DHX8: variants seen among roughly 807,000 people sequenced by gnomAD.
DHX8 encodes the protein DEAH-box helicase 8, also known as ATP-dependent RNA helicase DHX8.
A neutral mutation model predicts 140.7 loss-of-function variants in DHX8; 67 were observed. The ratio of observed to expected loss-of-function variants is 0.48; its 90% CI spans 0.39 to 0.58. The LOEUF (loss-of-function observed/expected upper bound fraction) is 0.58. Among genes scored for constraint, DHX8 ranks in the 20% least tolerant of loss-of-function variants. The pLI is 0.00. For missense variants in DHX8, 887 were observed against 1,550.7 expected (o/e 0.57, Z 7.19); for synonymous variants, 533 against 553.2 (o/e 0.96, Z 0.51).
chr17:43,527,722 A>G (rs1415322047), downstream of DHX8: 2 of 198,612 alleles, frequency 1.0e-5, no homozygotes, highest in Non-Finnish European at 2.1e-5. Context: ...CTTTTTTCAA[A>G]TCTACATGAG....
downstream of DHX8, chr17:43,530,519 G>T (rs1263160055): frequency 1.7e-5 from 18 of 1,041,132 alleles, no homozygotes; most frequent in African/African-American, 3.2e-5. Context: ...AACGTCCGGG[G>T]AAAGAGTTCG....
At chr17:43,528,880 T>C (rs55989313), downstream of DHX8, 182,888 of 725,604 alleles carry the variant, frequency 0.25, 24,094 homozygotes, top group East Asian at 0.36. Context: ...TGCTGGTTCC[T>C]GAGAAGCTGA....
At chr17:43,486,550 T>G (rs1340088112) in intron 1 of DHX8, among the ~76,000 whole-genome samples, 1 of 152,182 alleles carries the variant, frequency 6.6e-6, no homozygotes, top group Non-Finnish European at 1.5e-5. Flanking sequence ...TTCAGTTAAT[T>G]TAACAATTCC....
chr17:43,491,850 G>A (rs1196142189), intron 4 of DHX8, among the ~76,000 whole-genome samples: 1 of 152,174 alleles, frequency 6.6e-6, no homozygotes, highest in East Asian at 1.9e-4. Flanking sequence ...GGGTAGGGAG[G>A]AAGAGTGCAG....
intron 2 of DHX8, chr17:43,533,758 C>T: frequency 6.9e-7 from 1 of 1,456,440 alleles, no homozygotes; most frequent in Non-Finnish European, 9.3e-7. Flanking sequence ...TTTCTGTTGT[C>T]TAACTTGCAT....
At chr17:43,530,508 G>C (rs1004529217), downstream of DHX8, 5 of 1,121,328 alleles carry the variant, frequency 4.5e-6, no homozygotes, top group Admixed American at 1.1e-4. Context: ...AGGGTGAGAT[G>C]AACGTCCGGG....
chr17:43,494,061 A>G (rs907578156), intron 8 of DHX8, among the ~76,000 whole-genome samples, 175 bp downstream of exon 8: 7 of 152,202 alleles, frequency 4.6e-5, no homozygotes, highest in Non-Finnish European at 8.8e-5. Flanking sequence ...AAAGAGGTTT[A>G]TTGGACTTAG....
exon 4 of DHX8, chr17:43,544,348 A>C (rs186869843): frequency 2.6e-5 from 4 of 152,878 alleles, no homozygotes. Context: ...AGAGGTATTC[A>C]AGCGGGATGG....
chr17:43,527,639 G>A (rs1264214460), downstream of DHX8, among the ~76,000 whole-genome samples: 1 of 152,216 alleles, frequency 6.6e-6, no homozygotes, highest in Admixed American at 6.5e-5. Context: ...TCCTCACACA[G>A]TAATGCTGGG....
intron 2 of DHX8, chr17:43,532,962 GGAAGA>G (rs1598200615): frequency 1.3e-6 from 2 of 1,539,652 alleles, no homozygotes; most frequent in Non-Finnish European, 1.7e-6. Context: ...GGATGGAGAA[GGAAGA>G]GAAGAGAACT....
At chr17:43,518,461 A>C (rs952090464) in intron 18 of DHX8, 3 of 152,230 alleles carry the variant, frequency 2.0e-5, no homozygotes, top group African/African-American at 7.2e-5. Flanking sequence ...CTCTGAAAGC[A>C]GGGGCCATAT....
At chr17:43,526,170 C>T (rs1451117829), downstream of DHX8, 3 of 985,216 alleles carry the variant, frequency 3.0e-6, no homozygotes, top group Non-Finnish European at 3.6e-6. Flanking sequence ...GGGGAGCTTG[C>T]CTGCTGCTCT....
At chr17:43,499,669 T>G (rs1165452220) in intron 10 of DHX8, among the ~76,000 whole-genome samples, 1 of 152,214 alleles carries the variant, frequency 6.6e-6, no homozygotes, top group Admixed American at 6.5e-5. Context: ...AGAAAAATTC[T>G]TATACCTTTC....
At chr17:43,511,680 A>C (rs1420375054) in intron 16 of DHX8, among the ~76,000 whole-genome samples, 1 of 148,100 alleles carries the variant, frequency 6.8e-6, no homozygotes, top group Non-Finnish European at 1.5e-5. Context: ...CTGGTCTCGA[A>C]CTCCTGATCT....
chr17:43,505,427 G>A (rs117908027), intron 12 of DHX8, among the ~76,000 whole-genome samples: 2,616 of 151,862 alleles, frequency 0.017, 78 homozygotes, highest in African/African-American at 0.059. Flanking sequence ...AAATTACCTG[G>A]GTGTGGTGGT....
At position 43,523,877 on chromosome 17, in the gene DHX8, C is replaced by G; in HGVS notation, c.*30C>G. The G allele has an allele frequency of 6.2e-7, 1 of 1,613,132 alleles. No homozygotes were observed. The highest frequency in any genetic ancestry group is 8.5e-7 in the Non-Finnish European group (1 of 1,179,582). Reference sequence around the variant, plus strand: ...CAAGATTGTTCCTTTGCCTCTCCAGCAGCAGTAGCCAGGGCTTGGACTTAT... The same window carrying G: ...CAAGATTGTTCCTTTGCCTCTCCAGGAGCAGTAGCCAGGGCTTGGACTTAT... On this transcript the variant is annotated 3_prime_UTR_variant, in exon 23 of 23. Coordinates refer to ENST00000262415, the MANE Select transcript of DHX8 (RefSeq NM_004941.3).
chr17:43,526,670 C>T, downstream of DHX8: 1 of 1,526,050 alleles, frequency 6.6e-7, no homozygotes, highest in Non-Finnish European at 8.8e-7. Context: ...TGCTGCTTCT[C>T]AGCTAACTCC....
At chr17:43,529,143 T>C (rs1413947362), downstream of DHX8, 42 of 1,614,004 alleles carry the variant, frequency 2.6e-5, no homozygotes, top group Non-Finnish European at 3.4e-5. Flanking sequence ...ACCTTCTGCA[T>C]GATGCCTTTC....
intron 1 of DHX8, among the ~76,000 whole-genome samples, chr17:43,487,901 C>T (rs974859534): frequency 4.6e-5 from 7 of 151,878 alleles, no homozygotes; most frequent in East Asian, 1.9e-4. Context: ...TGCTTGAACC[C>T]GAGAGGCGGA....
Sources: allele counts gnomAD v4.1 joint callset (sites outside exome capture counted in the v4.1 genomes callset), GRCh38; gene constraint gnomAD v4.1.1; transcripts MANE v1.5; gene names NCBI Gene and HGNC (gene_info 2026-07-23, HGNC 2026-07-21).